Variants in ZFYVE1 observed in about 807,000 individuals in gnomAD.
The protein encoded by ZFYVE1 is zinc finger FYVE domain-containing protein 1.
ZFYVE1 carries 30 observed loss-of-function variants against 74.4 expected under a neutral mutation model. The ratio of observed to expected loss-of-function variants is 0.40; its 90% CI spans 0.30 to 0.55. The LOEUF (loss-of-function observed/expected upper bound fraction) is 0.55, where lower values mean the gene tolerates loss of function less well. Among genes scored for constraint, ZFYVE1 ranks in the 20% least tolerant of loss-of-function variants. The pLI is 0.42. For missense variants in ZFYVE1, 703 were observed against 1,011.6 expected, an observed-to-expected ratio of 0.69 and a Z score of 4.14; for synonymous variants, 335 against 385.1, an observed-to-expected ratio of 0.87 and a Z score of 1.52.
chr14:73,017,092 A>C (rs371621893), intron 2 of ZFYVE1, among the ~76,000 whole-genome samples: 4 of 152,198 alleles, frequency 2.6e-5, no homozygotes, highest in Non-Finnish European at 5.9e-5. Context: ...GGTGGAAACC[A>C]GCATGGCCAT....
intron 3 of ZFYVE1, among the ~76,000 whole-genome samples, chr14:72,994,704 GC>G (rs752501590): frequency 1.3e-5 from 2 of 152,048 alleles, no homozygotes; most frequent in Non-Finnish European, 2.9e-5. Flanking sequence ...CTCAATATTG[GC>G]CCTTTCAGAC....
chr14:72,984,835 G>GT (rs1893435429), intron 4 of ZFYVE1, among the ~76,000 whole-genome samples: 1 of 152,190 alleles, frequency 6.6e-6, no homozygotes, highest in Non-Finnish European at 1.5e-5. Context: ...TGGGTTTGCT[G>GT]TATTTTATCT....
In ZFYVE1 at chr14:72,974,802, T is replaced by C; in HGVS notation, c.1964A>G (p.Tyr655Cys). The change falls in exon 10 of 12, where the codon TAC becomes TGC. Residue 655 changes from tyrosine (Y) to cysteine (C), a missense_variant. By Grantham distance (194) the Tyr-to-Cys change is radical. Transcript: ENST00000556143. ...ACCTAACTGGACGTTCCTGGCTTCG[T>C]AGCAGTTGTCACAGACCCGCACTGG... ...PAPVRVCDNC[Y>C]EARNVQLAVT... The C allele has an allele frequency of 3.1e-6, 5 of 1,603,894 alleles. No individual in the cohort carries two copies. Among genetic ancestry groups the C allele is most frequent in the Non-Finnish European group, 4.3e-6 (5 of 1,172,100 alleles).
In ZFYVE1 at chr14:72,978,199, C is replaced by T; in HGVS notation, c.1455G>A (p.Val485=). 6.2e-7 allele frequency: 1 copy of T among 1,614,156 alleles called. No individual in the cohort carries two copies. Among genetic ancestry groups the T allele is most frequent in the South Asian group, 1.1e-5 (1 of 91,086 alleles). ...AGTCAGTGGAAGCAGATGTTTTGGGCACTACACTGACTTCCTCGCCTCTCT... is the reference window on the plus strand; with the variant it reads ...AGTCAGTGGAAGCAGATGTTTTGGGTACTACACTGACTTCCTCGCCTCTCT... ...CYERGEEVSV[V]PKTSASTDSP... Residue 485 remains valine (V), a synonymous_variant, in exon 7 of 12, where the codon GTG becomes GTA. Transcript: ENST00000556143.
intron 3 of ZFYVE1, 120 bp from the exon 4 acceptor site, chr14:72,993,477 T>G (rs2333017): frequency 1.2e-6 from 1 of 823,348 alleles, no homozygotes; most frequent in Non-Finnish European, 1.8e-6. Flanking sequence ...CCAAGGTGGG[T>G]GGATCACCCG....
intron 2 of ZFYVE1, among the ~76,000 whole-genome samples, chr14:73,023,400 TATATA>T (rs1894384247): frequency 7.2e-6 from 1 of 138,272 alleles, no homozygotes; most frequent in Non-Finnish European, 1.5e-5. Context: ...ATGTGTTTTA[TATATA>T]ATATATATTT....
chr14:73,022,059 T>C (rs183937247), intron 2 of ZFYVE1, among the ~76,000 whole-genome samples: 1,763 of 152,302 alleles, frequency 0.012, 32 homozygotes, highest in African/African-American at 0.04. Context: ...TACAGAGAAC[T>C]GAGCAAAACC....
chr14:72,972,009 G>C (rs943823744), intron 11 of ZFYVE1, among the ~76,000 whole-genome samples: 4 of 152,116 alleles, frequency 2.6e-5, no homozygotes, highest in Non-Finnish European at 5.9e-5. Context: ...ACCACTCAAG[G>C]TCAGGAGTTC....
chr14:72,977,808 C>T, intron 8 of ZFYVE1, 119 bp downstream of exon 8: 2 of 1,109,868 alleles, frequency 1.8e-6, no homozygotes, highest in Non-Finnish European at 2.6e-6. Context: ...CCTTTCTAAA[C>T]CGCCAACATT....
At position 72,980,693 on chromosome 14, in the gene ZFYVE1, G is replaced by A. The variant is rs866567396; in HGVS notation, c.1310+1096C>T. On this transcript the variant is annotated intron_variant, in intron 5 of 11. Coordinates refer to ENST00000556143, the MANE Select transcript of ZFYVE1 (RefSeq NM_021260.4). ...CGCCATTCTCCTGCCTCAGCCTCCCGAGTAGCTGGGACTACAGGCGCCGGC... is the reference window on the plus strand; with the variant it reads ...CGCCATTCTCCTGCCTCAGCCTCCCAAGTAGCTGGGACTACAGGCGCCGGC... Among the ~76,000 whole-genome samples, 5 of 151,870 alleles carry A rather than the reference G, an allele frequency of 3.3e-5. 1 individual carries two copies. The South Asian group carries it at 6.2e-4, about 19-fold the overall frequency.
intron 2 of ZFYVE1, among the ~76,000 whole-genome samples, chr14:73,018,787 C>CA (rs1031583895): frequency 6.6e-6 from 1 of 151,906 alleles, no homozygotes; most frequent in Non-Finnish European, 1.5e-5. Context: ...ACTAAAAATA[C>CA]AAAAAAACTA....
intron 4 of ZFYVE1, among the ~76,000 whole-genome samples, chr14:72,989,871 C>T (rs965582257): frequency 2.0e-5 from 3 of 152,076 alleles, no homozygotes; most frequent in East Asian, 1.9e-4. Flanking sequence ...ATTATTCTGA[C>T]GTGTCATTTA....
chr14:73,010,524 C>T (rs890014337), intron 2 of ZFYVE1, among the ~76,000 whole-genome samples: 2 of 151,820 alleles, frequency 1.3e-5, no homozygotes, highest in Admixed American at 1.3e-4. Context: ...TCACTTGAAC[C>T]GGGAGGCAAA....
At chr14:73,021,812 T>C (rs566020469) in intron 2 of ZFYVE1, among the ~76,000 whole-genome samples, 6 of 152,162 alleles carry the variant, frequency 3.9e-5, no homozygotes, top group Non-Finnish European at 8.8e-5. Context: ...ACCAATATCA[T>C]CTCTGGGTAG....
chr14:72,994,567 C>T (rs1030680339), intron 3 of ZFYVE1, among the ~76,000 whole-genome samples: 6 of 151,926 alleles, frequency 3.9e-5, no homozygotes, highest in African/African-American at 1.5e-4. Flanking sequence ...TCTGTATGCA[C>T]ATTACACTTC....
At position 72,992,622 on chromosome 14, in the gene ZFYVE1, C is replaced by T. The variant is rs953613402; in HGVS notation, c.1203+521G>A. 8.0e-5 allele frequency among the ~76,000 whole-genome samples: 9 copies of T among 112,962 alleles called. 2 individuals carry two copies. The highest frequency in any genetic ancestry group is 3.5e-4 in the South Asian group (1 of 2,828). 74.1% of individuals were successfully genotyped at this position (112,962 alleles called of 152,430 possible). On this transcript the variant is annotated intron_variant, in intron 4 of 11. Coordinates refer to ENST00000556143, the MANE Select transcript of ZFYVE1 (RefSeq NM_021260.4). ...GGGAGGTCCCATTCAGGTGCCCCCC[C>T]CGCCCCTTGCAAGAGAGAGAGAGCT...
At chr14:72,995,242 C>T (rs1193516338) in intron 3 of ZFYVE1, among the ~76,000 whole-genome samples, 1 of 151,974 alleles carries the variant, frequency 6.6e-6, no homozygotes, top group African/African-American at 2.4e-5. Context: ...TTACAGGTGC[C>T]CACCACCATA....
In ZFYVE1 at chr14:72,970,716, T is replaced by G. The variant is rs568512813; in HGVS notation, c.*166A>C. The G allele has an allele frequency of 6.8e-6, 5 of 736,386 alleles. No homozygotes were observed. The South Asian group carries it at 9.4e-5, about 14-fold the overall frequency. The allele number at this position is 736,386 out of a possible 1,614,324, so 45.6% of individuals were successfully genotyped here. ...CCCCTGCCCTGAGGGGTCCACACCTTCGGGCCTGCCGCCAGGCTCACCCCC... is the reference window on the plus strand; with the variant it reads ...CCCCTGCCCTGAGGGGTCCACACCTGCGGGCCTGCCGCCAGGCTCACCCCC... On this transcript the variant is annotated 3_prime_UTR_variant, in exon 12 of 12. Transcript: ENST00000556143.
intron 8 of ZFYVE1, 103 bp downstream of exon 8, chr14:72,977,824 A>G: frequency 2.4e-6 from 3 of 1,253,670 alleles, no homozygotes; most frequent in South Asian, 2.9e-5. Flanking sequence ...ACATTCTGAA[A>G]TTCATGGTTA....
Sources: allele counts gnomAD v4.1 joint callset (sites outside exome capture counted in the v4.1 genomes callset), GRCh38; gene constraint gnomAD v4.1.1; transcripts MANE v1.5; gene names NCBI Gene and HGNC (gene_info 2026-07-23, HGNC 2026-07-21).